Variants in IL1RAPL2 observed in about 807,000 individuals in gnomAD.
IL1RAPL2 encodes interleukin 1 receptor accessory protein like 2, also known as X-linked interleukin-1 receptor accessory protein-like 2.
IL1RAPL2 carries 3 observed loss-of-function variants against 44.1 expected under a neutral mutation model. The ratio of observed to expected loss-of-function variants is 0.07; its 90% confidence interval spans 0.03 to 0.18. The LOEUF is 0.18. Among genes scored for constraint, IL1RAPL2 ranks in the 10% least tolerant of loss-of-function variants. IL1RAPL2 has a pLI of 1.00. For missense variants in IL1RAPL2, 391 were observed against 496.4 expected (o/e 0.79, Z 2.02); for synonymous variants, 181 against 178.8 (o/e 1.01, Z -0.10).
chrX:104,809,360 C>G (rs1282863450), intron 2 of IL1RAPL2, among the ~76,000 whole-genome samples: 7 of 111,479 alleles, frequency 6.3e-5, no homozygotes, highest in Admixed American at 9.5e-5. Flanking sequence ...AAAAGTGTTC[C>G]TATTTCTCCA....
intron 2 of IL1RAPL2, among the ~76,000 whole-genome samples, chrX:104,983,046 A>G (rs2030472591): frequency 9.0e-6 from 1 of 110,932 alleles, no homozygotes; most frequent in Non-Finnish European, 1.9e-5. Flanking sequence ...TCAGATATTC[A>G]TGAGGCTGAA....
Position 105,195,594 on chromosome X carries a change from C to A in IL1RAPL2, c.202C>A (p.Gln68Lys). The A allele has an allele frequency of 8.3e-7, 1 of 1,211,933 alleles. No individual in the cohort carries two copies. Among genetic ancestry groups the A allele is most frequent in the Non-Finnish European group, 1.1e-6 (1 of 895,475 alleles). ...TATTCGTACCAACTATAGCACGGCC[C>A]AGAGCACTGGGCTCAGGCTTATGTG... Reference protein sequence around the residue: ...SYIRTNYSTAQSTGLRLMWYK... With the variant: ...SYIRTNYSTAKSTGLRLMWYK... Residue 68 changes from glutamine (Q) to lysine (K), a missense_variant, in exon 3 of 11, where the codon CAG becomes AAG. Physicochemically the swap from Gln to Lys is moderately conservative, Grantham distance 53 (BLOSUM62 1). Around this residue, in one of 2 missense-constraint regions of IL1RAPL2, gnomAD observed 159 missense variants for 251.7 expected, o/e 0.63. Transcript: ENST00000372582.
intron 2 of IL1RAPL2, among the ~76,000 whole-genome samples, chrX:104,950,585 C>T (rs1181362181): frequency 8.9e-6 from 1 of 112,895 alleles, no homozygotes; most frequent in African/African-American, 3.2e-5. Flanking sequence ...TGCCGCCTTG[C>T]AGTTTGATCT....
chrX:105,450,315 T>C (rs1198866390), intron 5 of IL1RAPL2, among the ~76,000 whole-genome samples: 2 of 111,586 alleles, frequency 1.8e-5, no homozygotes, highest in African/African-American at 6.5e-5. Context: ...TTTGGTGATA[T>C]TAAGTTACCA....
chrX:105,161,368 T>C (rs1212323781), intron 2 of IL1RAPL2, among the ~76,000 whole-genome samples: 1 of 110,319 alleles, frequency 9.1e-6, no homozygotes, highest in Non-Finnish European at 1.9e-5. Flanking sequence ...TAACAAGATA[T>C]GAGGCAAATG....
chrX:104,730,672 G>T (rs766481751), intron 2 of IL1RAPL2, among the ~76,000 whole-genome samples: 1 of 105,559 alleles, frequency 9.5e-6, no homozygotes, highest in Non-Finnish European at 2.0e-5. Context: ...GAATAGTGTC[G>T]CAATAAACAT....
intron 2 of IL1RAPL2, among the ~76,000 whole-genome samples, chrX:104,728,303 T>C (rs1442552449): frequency 9.0e-6 from 1 of 110,985 alleles, no homozygotes; most frequent in Non-Finnish European, 1.9e-5. Context: ...TATGTGCTAG[T>C]AGAAAGAAAA....
chrX:104,738,334 A>C (rs988229239), intron 2 of IL1RAPL2, among the ~76,000 whole-genome samples: 1 of 112,434 alleles, frequency 8.9e-6, no homozygotes, highest in African/African-American at 3.2e-5. Flanking sequence ...ATGTGTGATA[A>C]AGTGCAGTAA....
At chrX:105,216,193 T>C (rs1556165731) in intron 3 of IL1RAPL2, among the ~76,000 whole-genome samples, 1 of 111,273 alleles carries the variant, frequency 9.0e-6, no homozygotes, top group Non-Finnish European at 1.9e-5. Context: ...GACGACATGA[T>C]TGTACATTTA....
At chrX:105,400,958 G>A (rs1333040272) in intron 5 of IL1RAPL2, among the ~76,000 whole-genome samples, 1 of 111,667 alleles carries the variant, frequency 9.0e-6, no homozygotes, top group Non-Finnish European at 1.9e-5. Context: ...CTGATACTGA[G>A]GTACCACCAG....
chrX:105,228,251 A>G (rs782608220), intron 3 of IL1RAPL2, among the ~76,000 whole-genome samples: 2 of 112,298 alleles, frequency 1.8e-5, no homozygotes, highest in South Asian at 7.3e-4. Flanking sequence ...GGATAAGACA[A>G]TCGAATAAAT....
intron 1 of IL1RAPL2, chrX:104,648,132 C>T: frequency 2.6e-6 from 1 of 378,798 alleles, no homozygotes; most frequent in East Asian, 4.8e-5. Flanking sequence ...TGCATACATA[C>T]ATAGATTTTT....
intron 2 of IL1RAPL2, among the ~76,000 whole-genome samples, chrX:104,957,281 G>C (rs1216302480): frequency 9.0e-6 from 1 of 111,531 alleles, no homozygotes; most frequent in Non-Finnish European, 1.9e-5. Context: ...CCTCAGGCCA[G>C]GTGTTCTTCA....
intron 1 of IL1RAPL2, among the ~76,000 whole-genome samples, chrX:104,604,395 C>A (rs1452233155): frequency 9.0e-6 from 1 of 110,891 alleles, no homozygotes; most frequent in African/African-American, 3.3e-5. Context: ...GAAACTGCAT[C>A]AACTAATGGT....
chrX:105,494,216 A>C (rs1365744627), intron 6 of IL1RAPL2, among the ~76,000 whole-genome samples: 1 of 111,787 alleles, frequency 8.9e-6, no homozygotes, highest in African/African-American at 3.3e-5. Flanking sequence ...TCAGCTTTGC[A>C]GCACTTCTCA....
At chrX:105,699,533 G>C (rs965655579) in intron 6 of IL1RAPL2, among the ~76,000 whole-genome samples, 1 of 111,340 alleles carries the variant, frequency 9.0e-6, no homozygotes, top group African/African-American at 3.3e-5. Context: ...AATAATCTTG[G>C]ACTAGAACCC....
chrX:105,743,383 A>T (rs966285539), intron 8 of IL1RAPL2, among the ~76,000 whole-genome samples: 1 of 110,972 alleles, frequency 9.0e-6, no homozygotes, highest in Admixed American at 9.6e-5. Context: ...TCTGTTTCTC[A>T]TGTTCACCAA....
intron 5 of IL1RAPL2, among the ~76,000 whole-genome samples, chrX:105,368,857 G>A (rs2035315505): frequency 9.1e-6 from 1 of 109,973 alleles, no homozygotes; most frequent in African/African-American, 3.3e-5. Flanking sequence ...AATCCCTTGG[G>A]CTGTCTTTAA....
At chrX:105,459,248 G>T (rs779085789) in intron 5 of IL1RAPL2, among the ~76,000 whole-genome samples, 17 of 110,865 alleles carry the variant, frequency 1.5e-4, no homozygotes, top group Non-Finnish European at 3.2e-4. Context: ...ATGTGTGTTT[G>T]TGTGCATGTG....
Sources: allele counts gnomAD v4.1 joint callset (sites outside exome capture counted in the v4.1 genomes callset), GRCh38; gene constraint gnomAD v4.1.1; regional missense constraint gnomAD v4.1.1; transcripts MANE v1.5; gene names NCBI Gene and HGNC (gene_info 2026-07-23, HGNC 2026-07-21).